Variants in KDM1B observed in about 807,000 individuals in gnomAD.
KDM1B encodes the protein lysine demethylase 1B, also known as lysine-specific histone demethylase 2.
In KDM1B, 63 loss-of-function variants were observed where a neutral mutation model predicts 107.4. The observed-to-expected ratio is 0.59, with a 90% confidence interval of 0.48 to 0.72. The LOEUF is 0.72. KDM1B is among the 30% of genes least tolerant of loss of function. KDM1B has a pLI of 0.00. For synonymous variants in KDM1B, 363 were observed against 363.9 expected (o/e 1.00, Z 0.03); for missense variants, 749 against 1,020.8 (o/e 0.73, Z 3.63).
chr6:18,201,320 T>TC lies in KDM1B; in HGVS notation c.1360-165dup, dbSNP rs1339493952. 1.3e-5 allele frequency among the ~76,000 whole-genome samples: 2 copies of TC among 152,226 alleles called. No homozygotes were observed. Among genetic ancestry groups the TC allele is most frequent in the Non-Finnish European group, 2.9e-5 (2 of 68,040 alleles). On this transcript the variant is annotated intron_variant, in intron 13 of 21. Coordinates refer to ENST00000650836, the MANE Select transcript of KDM1B (RefSeq NM_001364614.2). This position sits in a 1 kb window ranked among gnomAD's most constrained non-coding sequence, Gnocchi z 4.3. ...CTTGTAGATTTCATGCTGTTTTTTT[T>TC]CACTGCCTGACTTTGCTGCCATTCC... is the stretch of plus-strand genomic sequence containing the variant.
intron 21 of KDM1B, among the ~76,000 whole-genome samples, chr6:18,219,794 C>T (rs1582228719): frequency 2.0e-5 from 3 of 152,352 alleles, no homozygotes; most frequent in South Asian, 4.1e-4. Flanking sequence ...CCAAACATCA[C>T]TATCTGGGAA....
chr6:18,174,242 C>CTT (rs140242930), intron 7 of KDM1B, among the ~76,000 whole-genome samples: 1 of 151,390 alleles, frequency 6.6e-6, no homozygotes, highest in Non-Finnish European at 1.5e-5. Context: ...ATTCTTCTAA[C>CTT]TTTTTTTTTG....
At position 18,159,675 on chromosome 6, in the gene KDM1B, AGGT is replaced by A. The variant is rs914194548; in HGVS notation, c.-13-205_-13-203del. 2.0e-4 allele frequency among the ~76,000 whole-genome samples: 30 copies of A among 152,178 alleles called. No homozygotes were observed. Among genetic ancestry groups the A allele is most frequent in the African/African-American group, 7.0e-4 (29 of 41,452 alleles). On this transcript the variant is annotated intron_variant, in intron 2 of 21. Transcript: ENST00000650836. The surrounding 1 kb of genome is among the most constrained non-coding windows in gnomAD (Gnocchi z 4.5). ...CTGTATTCCCAACTACTTGGAGCTG[AGGT>A]GGGAGAATCGCTTGAGCCCAGGAGT... is the stretch of plus-strand genomic sequence containing the variant.
At chr6:18,220,070 A>G (rs535253746) in intron 21 of KDM1B, among the ~76,000 whole-genome samples, 25 of 152,160 alleles carry the variant, frequency 1.6e-4, no homozygotes, top group African/African-American at 6.0e-4. Context: ...TCATACTTCC[A>G]ATGGCTGAGA....
At chr6:18,218,195 A>T (rs1413674971) in intron 21 of KDM1B, among the ~76,000 whole-genome samples, 1 of 151,864 alleles carries the variant, frequency 6.6e-6, no homozygotes, top group African/African-American at 2.4e-5. Context: ...GTCCTAGCTC[A>T]CTGCAGCCTC....
intron 7 of KDM1B, among the ~76,000 whole-genome samples, chr6:18,180,295 A>G (rs1038402356): frequency 6.6e-6 from 1 of 152,082 alleles, no homozygotes; most frequent in Admixed American, 6.6e-5. Flanking sequence ...TGCAGGAACA[A>G]TATCTTGGTT....
rs1468140085 is a variant in KDM1B at position 18,215,091 on chromosome 6, C to A, written c.2194C>A (p.Gln732Lys). 1.2e-6 allele frequency: 2 copies of A among 1,613,728 alleles called. No individual in the cohort carries two copies. The highest frequency in any genetic ancestry group is 1.7e-6 in the Non-Finnish European group (2 of 1,179,960). The change falls in exon 20 of 22, where the codon CAG (glutamine) becomes AAG (lysine). Residue 732 changes from glutamine to lysine, a missense_variant. Physicochemically the swap from Gln to Lys is moderately conservative, Grantham distance 53 (BLOSUM62 1). Transcript: ENST00000650836. ...CCTGGATGACAAACAGGTGCTGCAG[C>A]AGTGCATGGCCACGCTCCGGGAGCT... ...RTLDDKQVLQ[Q>K]CMATLRELFK...
chr6:18,168,888 T>C (rs1785484532), intron 6 of KDM1B, among the ~76,000 whole-genome samples: 1 of 152,208 alleles, frequency 6.6e-6, no homozygotes, highest in Non-Finnish European at 1.5e-5. Context: ...TTTGTCGTCT[T>C]TGAGATGGAG....
chr6:18,194,617 T>G (rs1787524741), intron 10 of KDM1B, among the ~76,000 whole-genome samples: 1 of 152,236 alleles, frequency 6.6e-6, no homozygotes, highest in South Asian at 2.1e-4. Flanking sequence ...TTTTTTAAAT[T>G]ATTGTGGTTA....
At chr6:18,198,095 C>T (rs944882814) in intron 12 of KDM1B, among the ~76,000 whole-genome samples, 16 of 151,934 alleles carry the variant, frequency 1.1e-4, no homozygotes, top group African/African-American at 3.1e-4. Context: ...GGGGTTTCAC[C>T]GTGTTGGCCA....
chr6:18,222,047 A>G lies in KDM1B; in HGVS notation c.*55A>G, dbSNP rs1156329771. 2.0e-6 allele frequency: 3 copies of G among 1,473,826 alleles called. No individual in the cohort carries two copies. In the South Asian group the frequency reaches 3.4e-5, roughly 17 times the overall value. The allele number at this position is 1,473,826 out of a possible 1,614,324, so 91.3% of individuals were successfully genotyped here. A position where few individuals can be genotyped will look rare whatever the true frequency, so the allele number is the denominator to read the frequency against. ...CCCCAGATGGGGAAATTTGAATCAC[A>G]TGTTAAACCTCAGTTTTATAAGAGG... is the stretch of plus-strand genomic sequence containing the variant. On this transcript the variant is annotated 3_prime_UTR_variant, in exon 22 of 22. Transcript: ENST00000650836.
At chr6:18,164,774 T>C (rs1785187511) in intron 5 of KDM1B, among the ~76,000 whole-genome samples, 1 of 151,872 alleles carries the variant, frequency 6.6e-6, no homozygotes, top group African/African-American at 2.4e-5. Context: ...GCCTCCTGAG[T>C]AGCTGGGATT....
rs373693375 is a variant in KDM1B, at chr6:18,191,528, G to A, written c.969+147G>A. On this transcript the variant is annotated intron_variant, in intron 10 of 21. Transcript: ENST00000650836. This position sits in a 1 kb window ranked among gnomAD's most constrained non-coding sequence, Gnocchi z 5.1. ...CAATTTGGGCAGATAATTCTTTGTG[G>A]TGGGGACTGTCTTTGCACTGTAGGA... 1.6e-5 allele frequency: 14 copies of A among 890,146 alleles called. No homozygotes were observed. Among genetic ancestry groups the A allele is most frequent in the Non-Finnish European group, 2.3e-5 (14 of 596,462 alleles). The allele number at this position is 890,146 out of a possible 1,614,324, so 55.1% of individuals were successfully genotyped here.
At position 18,197,686 on chromosome 6, in the gene KDM1B, A is replaced by G. The variant is rs1787737501; in HGVS notation, c.1221+25A>G. ...GGTAGGATTTTGGGGACATGGAGTT[A>G]GAACAGATGGTTGACTGCTCCTTTT... On this transcript the variant is annotated intron_variant, in intron 12 of 21. Coordinates refer to ENST00000650836, the MANE Select transcript of KDM1B (RefSeq NM_001364614.2). The surrounding 1 kb of genome is among the most constrained non-coding windows in gnomAD (Gnocchi z 4.5). 1.3e-6 allele frequency: 2 copies of G among 1,567,964 alleles called. No homozygotes were observed. The highest frequency in any genetic ancestry group is 2.3e-5 in the South Asian group (2 of 88,096).
intron 7 of KDM1B, among the ~76,000 whole-genome samples, chr6:18,173,941 A>G (rs1004217269): frequency 2.0e-5 from 3 of 151,938 alleles, no homozygotes; most frequent in Admixed American, 1.3e-4. Context: ...ACACACCACC[A>G]CACCTGGCTA....
At chr6:18,207,925 C>T (rs1372655742) in intron 16 of KDM1B, among the ~76,000 whole-genome samples, 2 of 152,156 alleles carry the variant, frequency 1.3e-5, no homozygotes, top group African/African-American at 4.8e-5. Context: ...CTTCTATATT[C>T]CGACACAATG....
chr6:18,215,503 C>T (rs1156621165), intron 20 of KDM1B, among the ~76,000 whole-genome samples: 1 of 152,104 alleles, frequency 6.6e-6, no homozygotes, highest in African/African-American at 2.4e-5. Flanking sequence ...TCCTCATCTC[C>T]TCTTCTTATG....
intron 20 of KDM1B, among the ~76,000 whole-genome samples, chr6:18,217,519 C>G (rs1448269525): frequency 6.6e-6 from 1 of 151,900 alleles, no homozygotes; most frequent in East Asian, 1.9e-4. Context: ...GCTGGGACTA[C>G]AGGCGCCTGC....
intron 6 of KDM1B, 64 bp from the exon 7 acceptor site, chr6:18,171,299 A>T: frequency 2.4e-6 from 2 of 842,194 alleles, no homozygotes; most frequent in Non-Finnish European, 2.1e-6. Flanking sequence ...CAAGTGGTGG[A>T]GGATAGAAAT....
Sources: allele counts gnomAD v4.1 joint callset (sites outside exome capture counted in the v4.1 genomes callset), GRCh38; gene constraint gnomAD v4.1.1; non-coding constraint Gnocchi (gnomAD v3.1); transcripts MANE v1.5; gene names NCBI Gene and HGNC (gene_info 2026-07-23, HGNC 2026-07-21).